The following DNAH10 variants were observed in gnomAD, a reference collection of about 807,000 sequenced individuals.
DNAH10 encodes axonemal beta dynein heavy chain 10.
In DNAH10, 348 loss-of-function variants were observed where a neutral mutation model predicts 506.6. That is an observed-to-expected ratio of 0.69 (90% CI 0.63 to 0.75). The LOEUF is 0.75. Ranked by LOEUF, DNAH10 falls within the 30% of genes least tolerant of loss-of-function variation. The pLI, the probability that DNAH10 is intolerant of heterozygous loss-of-function variation, is 0.00. For missense variants in DNAH10, 5,179 were observed against 5,787.1 expected, an observed-to-expected ratio of 0.89 and a Z score of 3.41; for synonymous variants, 2,059 against 2,198.6, an observed-to-expected ratio of 0.94 and a Z score of 1.78.
At chr12:123,863,812 C>T (rs1266225537) in intron 39 of DNAH10, among the ~76,000 whole-genome samples, 1 of 152,202 alleles carries the variant, frequency 6.6e-6, no homozygotes, top group Non-Finnish European at 1.5e-5. Context: ...GGGTGGGTAC[C>T]ATTCGACCCA....
chr12:123,905,999 C>T (rs896741123), intron 57 of DNAH10, among the ~76,000 whole-genome samples: 6 of 151,510 alleles, frequency 4.0e-5, no homozygotes, highest in Non-Finnish European at 5.9e-5. Flanking sequence ...CTCACTGCAA[C>T]CTCCGCCTCC....
chr12:123,891,742 C>T (rs185932684), intron 52 of DNAH10, among the ~76,000 whole-genome samples: 130 of 152,276 alleles, frequency 8.5e-4, no homozygotes, highest in African/African-American at 1.4e-3. Context: ...AGACCATCCC[C>T]GGCTCCGTGA....
chr12:123,876,146 T>C lies in DNAH10; in HGVS notation c.8199+655T>C, dbSNP rs575331033. Among the ~76,000 whole-genome samples the C allele has an allele frequency of 5.3e-5, 8 of 152,208 alleles. 1 individual carries two copies. The highest frequency in any genetic ancestry group is 4.2e-4 in the South Asian group (2 of 4,818). The stretch of plus-strand genomic sequence containing the variant: ...GGCTCCAGGGGCCAGGTGGGTAAGA[T>C]AAAGGTGTGGAGTGGCCAGGCCTGA... On this transcript the variant is annotated intron_variant, in intron 47 of 78. Transcript: ENST00000673944.
chr12:123,835,326 A>T (rs1260977918), intron 27 of DNAH10, 80 bp from the exon 28 acceptor site: 2 of 1,524,450 alleles, frequency 1.3e-6, no homozygotes, highest in Non-Finnish European at 1.8e-6. Flanking sequence ...GTTCTGTCTC[A>T]TGTCAGGATG....
intron 40 of DNAH10, 57 bp downstream of exon 40, chr12:123,864,787 A>G: frequency 6.5e-7 from 1 of 1,547,484 alleles, no homozygotes; most frequent in South Asian, 1.2e-5. Flanking sequence ...TTAAAAATGC[A>G]AATGTTTGTT....
Position 123,887,311 on chromosome 12 carries a change from C to T in DNAH10, c.8993C>T (p.Ser2998Leu), listed in dbSNP as rs771595793. ...GAGCTCATCAACAACATGCTGACCT[C>T]AGGTACAGCCAAGGCTGGCGCCCGC... is the stretch of plus-strand genomic sequence containing the variant. ...FLELINNMLT[S>L]GIVPALFSEE... Residue 2998 changes from serine (S) to leucine (L), a missense_variant and splice_region_variant, in exon 52 of 79, where the codon TCA becomes TTA. This residue lies in a region of DNAH10 where 4,844 missense variants were observed against 5,430.5 expected (regional missense o/e 0.89). Transcript: ENST00000673944. 3 of 1,612,910 alleles carry T rather than the reference C, an allele frequency of 1.9e-6. No homozygotes were observed. Among genetic ancestry groups the T allele is most frequent in the South Asian group, 1.1e-5 (1 of 90,882 alleles).
chr12:123,775,114 T>C (rs1195317943), intron 5 of DNAH10, among the ~76,000 whole-genome samples: 1 of 152,220 alleles, frequency 6.6e-6, no homozygotes, highest in Non-Finnish European at 1.5e-5. Context: ...CTAAGCTTTC[T>C]TTTTTATTTT....
chr12:123,928,660 G>T lies in DNAH10; in HGVS notation c.12306+73G>T. On this transcript the variant is annotated intron_variant, in intron 70 of 78. Coordinates refer to ENST00000673944, the MANE Select transcript of DNAH10 (RefSeq NM_001372106.1). The surrounding 1 kb of genome is among the most constrained non-coding windows in gnomAD (Gnocchi z 4.9). ...AACACCTGCATGCTGCTCTGGGGCCGGGGTGTGCCTTTGTCTGTGTAGAAA... is the reference window on the plus strand; with the variant it reads ...AACACCTGCATGCTGCTCTGGGGCCTGGGTGTGCCTTTGTCTGTGTAGAAA... 1 of 1,481,806 alleles carries T rather than the reference G, an allele frequency of 6.7e-7. No homozygotes were observed. 91.8% of individuals were successfully genotyped at this position (1,481,806 alleles called of 1,614,324 possible).
chr12:123,871,573 T>G lies in DNAH10; in HGVS notation c.7756T>G (p.Phe2586Val), dbSNP rs147255920. The G allele has an allele frequency of 1.3e-6, 2 of 1,551,342 alleles. No individual in the cohort carries two copies. The highest frequency in any genetic ancestry group is 2.7e-5 in the African/African-American group (2 of 73,194). ...TTCTAAGACAGCCACTACCCAGAAT[T>G]TCCTCAAAAATCTGAGTGAAGAAAC... ...GTSKTATTQN[F>V]LKNLSEETNI... The change falls in exon 45 of 79, where the codon TTC (phenylalanine) becomes GTC (valine). Residue 2586 changes from phenylalanine to valine, a missense_variant. Around this residue, in one of 3 missense-constraint regions of DNAH10, gnomAD observed 4,844 missense variants for 5,430.5 expected, o/e 0.89. Transcript: ENST00000673944.
rs116580147 is a variant in DNAH10, at chr12:123,890,556, G to A, written c.8996-2677G>A. Among the ~76,000 whole-genome samples, 718 of 152,100 alleles carry A rather than the reference G, an allele frequency of 4.7e-3. 2 individuals are homozygous for A. Among genetic ancestry groups the A allele is most frequent in the African/African-American group, 0.016 (670 of 41,472 alleles). ...CTGCCTCACCTTCCCAAGGTGTTGA[G>A]ATTACAGGCGTGAGCCACTGCACCC... On this transcript the variant is annotated intron_variant, in intron 52 of 78. Transcript: ENST00000673944.
intron 38 of DNAH10, among the ~76,000 whole-genome samples, chr12:123,859,621 C>T (rs937446623): frequency 6.6e-6 from 1 of 152,202 alleles, no homozygotes; most frequent in Admixed American, 6.5e-5. Context: ...TTATGCAGTA[C>T]TGCTGTGGTT....
At chr12:123,851,777 C>T (rs559707183) in intron 35 of DNAH10, among the ~76,000 whole-genome samples, 7 of 152,292 alleles carry the variant, frequency 4.6e-5, no homozygotes, top group East Asian at 1.9e-4. Context: ...TCCATCACCA[C>T]GACCACAAAG....
intron 23 of DNAH10, among the ~76,000 whole-genome samples, chr12:123,820,287 G>A (rs917500180): frequency 6.6e-6 from 1 of 152,078 alleles, no homozygotes; most frequent in Non-Finnish European, 1.5e-5. Flanking sequence ...TCAAGGGGGC[G>A]GCAAAGGATG....
At chr12:123,929,995 C>T in intron 72 of DNAH10, 2 of 597,296 alleles carry the variant, frequency 3.3e-6, no homozygotes, top group Admixed American at 3.0e-5. Flanking sequence ...AAGGCATCCT[C>T]TAGCCCCTTG....
intron 15 of DNAH10, 99 bp from the exon 16 acceptor site, chr12:123,801,182 T>C (rs1441849059): frequency 4.3e-5 from 57 of 1,333,616 alleles, no homozygotes; most frequent in Non-Finnish European, 1.1e-5. Context: ...AGGTTGGTCT[T>C]GATTGAGACC....
Position 123,785,632 on chromosome 12 carries a change from C to T in DNAH10, c.1231-114C>T. ...CCAGCCTGGGCACCAGACTTGGTCT[C>T]AAGGAAAAAAAAAAAAAAAAAAGAG... On this transcript the variant is annotated intron_variant, in intron 8 of 78. Coordinates refer to ENST00000673944, the MANE Select transcript of DNAH10 (RefSeq NM_001372106.1). This position sits in a 1 kb window ranked among gnomAD's most constrained non-coding sequence, Gnocchi z 4.1. 1 of 950,262 alleles carries T rather than the reference C, an allele frequency of 1.1e-6. No individual in the cohort carries two copies. The highest frequency in any genetic ancestry group is 3.5e-4 in the Middle Eastern group (1 of 2,820). The allele number at this position is 950,262 out of a possible 1,614,324, so 58.9% of individuals were successfully genotyped here.
At chr12:123,793,370 G>T (rs1958154784) in intron 11 of DNAH10, among the ~76,000 whole-genome samples, 1 of 119,678 alleles carries the variant, frequency 8.4e-6, no homozygotes, top group Non-Finnish European at 1.7e-5. Context: ...ATGGAGTCTC[G>T]CTCTGTCGCC....
At chr12:123,857,456 A>C (rs1030852731) in intron 37 of DNAH10, among the ~76,000 whole-genome samples, 15 of 152,236 alleles carry the variant, frequency 9.9e-5, no homozygotes, top group African/African-American at 3.4e-4. Flanking sequence ...TAGGCCGGGC[A>C]CAGTGGCTTA....
Position 123,813,344 on chromosome 12 carries a change from C to T in DNAH10, c.3325C>T (p.Gln1109Ter). Residue 1109 changes from glutamine (Q) to a stop codon, truncating the protein, a stop_gained, in exon 20 of 79, where the codon CAA (glutamine) becomes TAA (stop). Transcript: ENST00000673944. LOFTEE classifies it high-confidence loss of function. ...RILINLMKYL[Q>*]KWKRYRPLWK... ...TCTGATCAATCTTATGAAGTATCTA[C>T]AAAAATGGAAGCGGTATCGACCTCT... is the stretch of plus-strand genomic sequence containing the variant. 6.2e-7 allele frequency: 1 copy of T among 1,614,188 alleles called. No individual in the cohort carries two copies. The highest frequency in any genetic ancestry group is 8.5e-7 in the Non-Finnish European group (1 of 1,180,030).
Sources: allele counts gnomAD v4.1 joint callset (sites outside exome capture counted in the v4.1 genomes callset), GRCh38; gene constraint gnomAD v4.1.1; regional missense constraint gnomAD v4.1.1; non-coding constraint Gnocchi (gnomAD v3.1); transcripts MANE v1.5; gene names NCBI Gene and HGNC (gene_info 2026-07-23, HGNC 2026-07-21).